RALYL: variants seen among roughly 807,000 people sequenced by gnomAD.
RALYL encodes RNA-binding Raly-like protein.
A neutral mutation model predicts 35.1 loss-of-function variants in RALYL; 29 were observed. The ratio of observed to expected loss-of-function variants is 0.83; its 90% CI spans 0.61 to 1.13. RALYL has a LOEUF of 1.13. RALYL is among the 50% of genes most tolerant of loss of function. The probability of loss-of-function intolerance (pLI) is 0.00; values close to 1 mark genes in which losing one functional copy is unlikely to be tolerated. For synonymous variants in RALYL, 120 were observed against 127.6 expected (o/e 0.94, Z 0.40); for missense variants, 359 against 360.4 (o/e 1.00, Z 0.03).
chr8:84,835,405 C>T (rs539347506), intron 4 of RALYL, among the ~76,000 whole-genome samples: 14 of 151,060 alleles, frequency 9.3e-5, no homozygotes, highest in African/African-American at 2.2e-4. Context: ...CGGGGGCTCA[C>T]GCCTGTAATG....
intron 5 of RALYL, among the ~76,000 whole-genome samples, chr8:84,861,641 G>A (rs191395885): frequency 2.0e-5 from 3 of 152,224 alleles, no homozygotes; most frequent in South Asian, 2.1e-4. Flanking sequence ...ATTTCCCACC[G>A]TAAGTAGTCA....
At chr8:84,271,409 A>G (rs1040209684) in intron 1 of RALYL, among the ~76,000 whole-genome samples, 2 of 150,764 alleles carry the variant, frequency 1.3e-5, no homozygotes, top group South Asian at 4.2e-4. Flanking sequence ...TGGGGAAACT[A>G]GGACCCTCAT....
intron 1 of RALYL, among the ~76,000 whole-genome samples, chr8:84,310,355 GA>G (rs112900224): frequency 2.2e-4 from 33 of 147,964 alleles, no homozygotes; most frequent in East Asian, 1.6e-3. Flanking sequence ...TTTTTTTAAA[GA>G]AAAAAAAAAT....
intron 2 of RALYL, among the ~76,000 whole-genome samples, chr8:84,770,292 G>T (rs368859850): frequency 6.6e-6 from 1 of 151,666 alleles, no homozygotes; most frequent in Admixed American, 6.6e-5. Context: ...GAGAACACAC[G>T]ATGTTTGGTT....
intron 1 of RALYL, among the ~76,000 whole-genome samples, chr8:84,356,569 T>C (rs1430931453): frequency 6.7e-6 from 1 of 149,962 alleles, no homozygotes; most frequent in African/African-American, 2.5e-5. Flanking sequence ...ATAAGCAAAT[T>C]TTTTACCTCC....
intron 8 of RALYL, among the ~76,000 whole-genome samples, chr8:84,910,035 A>G (rs756203201): frequency 3.9e-5 from 6 of 152,128 alleles, no homozygotes; most frequent in Non-Finnish European, 7.4e-5. Context: ...ATAACAAATG[A>G]GGTTCAGAAA....
Position 84,459,866 on chromosome 8 carries a change from T to A in RALYL, c.-23-69433T>A, listed in dbSNP as rs2050553142. 4.0e-5 allele frequency among the ~76,000 whole-genome samples: 6 copies of A among 151,702 alleles called. 1 individual carries two copies. The highest frequency in any genetic ancestry group is 4.0e-4 in the Admixed American group (6 of 15,188). ...GTGTGTTGAACTTCCTCTTCAGTTT[T>A]TTAGGACACTGCTTCACATATTTCT... is the stretch of plus-strand genomic sequence containing the variant. On this transcript the variant is annotated intron_variant, in intron 1 of 8. Coordinates refer to ENST00000521268, the MANE Select transcript of RALYL (RefSeq NM_173848.7).
chr8:84,527,742 A>G (rs2059004328), intron 1 of RALYL, among the ~76,000 whole-genome samples: 1 of 152,204 alleles, frequency 6.6e-6, no homozygotes. Flanking sequence ...TGAATAATTC[A>G]TAAAGGAACC....
In RALYL at chr8:84,326,135, G is replaced by A. The variant is rs146670885; in HGVS notation, c.-24+141711G>A. Among the ~76,000 whole-genome samples, 419 of 152,170 alleles carry A rather than the reference G, an allele frequency of 2.8e-3. 2 individuals carry two copies. The highest frequency in any genetic ancestry group is 9.4e-3 in the African/African-American group (392 of 41,532). On this transcript the variant is annotated intron_variant, in intron 1 of 8. Transcript: ENST00000521268. ...TCAAAACAAAGCAAAACAATAAGTA[G>A]TAAGCACTTACTACAAACTACTAGA... is the stretch of plus-strand genomic sequence containing the variant.
intron 1 of RALYL, among the ~76,000 whole-genome samples, chr8:84,352,122 T>C (rs1851012601): frequency 6.6e-6 from 1 of 150,514 alleles, no homozygotes; most frequent in African/African-American, 2.5e-5. Flanking sequence ...CCACAATATA[T>C]TTTTAATTTA....
intron 2 of RALYL, among the ~76,000 whole-genome samples, chr8:84,530,746 T>C (rs2059225308): frequency 1.3e-5 from 2 of 152,134 alleles, no homozygotes; most frequent in South Asian, 2.1e-4. Context: ...GCCTTTCTCA[T>C]ACAGAATAAG....
intron 2 of RALYL, among the ~76,000 whole-genome samples, chr8:84,693,167 G>A (rs539952381): frequency 4.4e-4 from 67 of 151,898 alleles, no homozygotes; most frequent in African/African-American, 1.4e-3. Flanking sequence ...AATATATCTC[G>A]GACACTGGCT....
chr8:84,612,434 C>T (rs1818509795), intron 2 of RALYL, among the ~76,000 whole-genome samples: 1 of 151,930 alleles, frequency 6.6e-6, no homozygotes. Context: ...CTTTTGTAGG[C>T]TTTGTTGCTG....
At chr8:84,268,670 G>T (rs1373805493) in intron 1 of RALYL, among the ~76,000 whole-genome samples, 1 of 152,128 alleles carries the variant, frequency 6.6e-6, no homozygotes. Context: ...GGAGACAGAG[G>T]TCATTTTAGG....
At chr8:84,628,871 G>A (rs73691018) in intron 2 of RALYL, among the ~76,000 whole-genome samples, 2,335 of 152,046 alleles carry the variant, frequency 0.015, 67 homozygotes, top group African/African-American at 0.054. Flanking sequence ...TATTAATGGT[G>A]AAAGATCTTA....
chr8:84,279,554 C>A (rs1461066949), intron 1 of RALYL, among the ~76,000 whole-genome samples: 1 of 152,112 alleles, frequency 6.6e-6, no homozygotes, highest in Non-Finnish European at 1.5e-5. Flanking sequence ...AGTAAAAGTT[C>A]TAATATTAGA....
intron 1 of RALYL, among the ~76,000 whole-genome samples, chr8:84,492,475 G>T (rs1381159507): frequency 6.6e-6 from 1 of 152,000 alleles, no homozygotes; most frequent in African/African-American, 2.4e-5. Flanking sequence ...AAACTCCTTT[G>T]CTTAGCCTTC....
chr8:84,866,028 G>A (rs540457290), intron 6 of RALYL, among the ~76,000 whole-genome samples: 1 of 152,256 alleles, frequency 6.6e-6, no homozygotes, highest in South Asian at 2.1e-4. Flanking sequence ...TTAATACTCA[G>A]CAACATATCA....
At chr8:84,362,585 C>A (rs760105638) in intron 1 of RALYL, among the ~76,000 whole-genome samples, 1 of 152,122 alleles carries the variant, frequency 6.6e-6, no homozygotes, top group African/African-American at 2.4e-5. Context: ...ACTGCACATG[C>A]GAGGGATCCA....
Sources: gnomAD v4.1 joint callset for allele counts (sites outside exome capture counted in the v4.1 genomes callset) on GRCh38, gnomAD v4.1.1 for gene constraint, MANE v1.5 for transcripts, NCBI Gene and HGNC (gene_info 2026-07-23, HGNC 2026-07-21) for gene names.